INTS6: variants seen among roughly 807,000 people sequenced by gnomAD.
INTS6 encodes integrator complex subunit 6, also known as DEAD box protein.
In INTS6, 16 loss-of-function variants were observed where a neutral mutation model predicts 104.9. That is an observed-to-expected ratio of 0.15 (90% CI 0.10 to 0.23). The LOEUF is 0.23. INTS6 is among the 10% of genes least tolerant of loss of function. The probability of loss-of-function intolerance (pLI) is 1.00; values close to 1 mark genes in which losing one functional copy is unlikely to be tolerated. For synonymous variants in INTS6, 324 were observed against 358.7 expected, an observed-to-expected ratio of 0.90 and a Z score of 1.09; for missense variants, 584 against 1,062.8, an observed-to-expected ratio of 0.55 and a Z score of 6.26.
chr13:51,439,178 A>G (rs1952747712), intron 3 of INTS6: 1 of 152,236 alleles, frequency 6.6e-6, no homozygotes, highest in Non-Finnish European at 1.5e-5. Flanking sequence ...CAGAACTGTT[A>G]TCATGTCCCT....
At chr13:51,430,514 T>C in intron 3 of INTS6, 131 bp from the exon 4 acceptor site, 1 of 568,430 alleles carries the variant, frequency 1.8e-6, no homozygotes, top group African/African-American at 1.9e-5. Flanking sequence ...TGTACCTGTT[T>C]GTACATTTTA....
chr13:51,433,191 C>T (rs1957127703), intron 3 of INTS6, among the ~76,000 whole-genome samples: 1 of 152,150 alleles, frequency 6.6e-6, no homozygotes. Context: ...TGCCTGTAAT[C>T]CCAGCACTCT....
chr13:51,360,040 C>T (rs1046413621), downstream of INTS6, among the ~76,000 whole-genome samples: 1 of 152,098 alleles, frequency 6.6e-6, no homozygotes, highest in Admixed American at 6.6e-5. Context: ...GTGAATATAG[C>T]CAACTCCCAA....
At chr13:51,434,940 T>C (rs1273758113) in intron 3 of INTS6, among the ~76,000 whole-genome samples, 2 of 152,050 alleles carry the variant, frequency 1.3e-5, no homozygotes, top group African/African-American at 4.8e-5. Context: ...TTATTCACTA[T>C]CTGGTGTCAA....
chr13:51,395,282 T>C lies in INTS6; in HGVS notation c.613+18A>G, dbSNP rs1488056873. On this transcript the variant is annotated intron_variant, in intron 5 of 17. Coordinates refer to ENST00000311234, the MANE Select transcript of INTS6 (RefSeq NM_012141.3). ...AATCTGCTTTAAGTTACCAAATTACTGCCAGCAAAAAACTTACCGCCTGTC... is the reference window on the plus strand; with the variant it reads ...AATCTGCTTTAAGTTACCAAATTACCGCCAGCAAAAAACTTACCGCCTGTC... 6.3e-7 allele frequency: 1 copy of C among 1,579,558 alleles called. No homozygotes were observed.
At chr13:51,358,284 A>G (rs1327359195), downstream of INTS6, among the ~76,000 whole-genome samples, 1 of 152,302 alleles carries the variant, frequency 6.6e-6, no homozygotes, top group South Asian at 2.1e-4. Flanking sequence ...GCTACAGCAA[A>G]TAATTGTAAA....
intron 15 of INTS6, among the ~76,000 whole-genome samples, chr13:51,372,513 A>G (rs1043582019): frequency 9.9e-5 from 15 of 152,008 alleles, no homozygotes; most frequent in Non-Finnish European, 2.2e-4. Flanking sequence ...GTGAGATTTT[A>G]TTCAGTGCAA....
chr13:51,400,375 G>A (rs1240404327), intron 4 of INTS6, among the ~76,000 whole-genome samples: 1 of 152,098 alleles, frequency 6.6e-6, no homozygotes, highest in Admixed American at 6.5e-5. Flanking sequence ...CACAGTTAGT[G>A]CTTTTTGTTT....
intron 4 of INTS6, among the ~76,000 whole-genome samples, chr13:51,424,870 A>C (rs1217898312): frequency 6.6e-6 from 1 of 152,054 alleles, no homozygotes. Context: ...AATTCCTTAC[A>C]GATCTTTTCA....
the INTS6 span, among the ~76,000 whole-genome samples, chr13:51,347,830 A>G: frequency 4.6e-5 from 7 of 151,986 alleles, no homozygotes; most frequent in African/African-American, 9.7e-5. Context: ...CAGTCATCAG[A>G]TCGAGAAAAC....
At chr13:51,407,750 G>A (rs1354982165) in intron 4 of INTS6, among the ~76,000 whole-genome samples, 2 of 152,008 alleles carry the variant, frequency 1.3e-5, no homozygotes, top group Non-Finnish European at 2.9e-5. Flanking sequence ...GTTTCTGTAC[G>A]GTATGGCCAG....
At chr13:51,383,865 A>T in intron 7 of INTS6, 124 bp from the exon 8 acceptor site, 1 of 633,606 alleles carries the variant, frequency 1.6e-6, no homozygotes, top group Non-Finnish European at 2.6e-6. Context: ...TTACTGCTAA[A>T]AGCAACATTA....
chr13:51,404,401 G>C (rs898704067), intron 4 of INTS6, among the ~76,000 whole-genome samples: 1 of 151,756 alleles, frequency 6.6e-6, no homozygotes, highest in Non-Finnish European at 1.5e-5. Flanking sequence ...TTATCTCCAA[G>C]AGCTGGAAGT....
intron 4 of INTS6, among the ~76,000 whole-genome samples, chr13:51,413,271 T>G (rs917243602): frequency 2.0e-5 from 3 of 152,218 alleles, no homozygotes; most frequent in African/African-American, 7.2e-5. Context: ...CAGCCTCTGC[T>G]GGGTCCCTTA....
rs1274799292 is a variant in INTS6, at chr13:51,410,484, A to C, written c.430-15001T>G. On this transcript the variant is annotated intron_variant, in intron 4 of 17. Transcript: ENST00000311234. ...GAGGAAATGATAATCTCTCCAATAAAAATGCTGATACAATTAATTATCCAT... is the reference window on the plus strand; with the variant it reads ...GAGGAAATGATAATCTCTCCAATAACAATGCTGATACAATTAATTATCCAT... Among the ~76,000 whole-genome samples the C allele has an allele frequency of 2.0e-5, 3 of 152,224 alleles. No homozygotes were observed. In the East Asian group the frequency reaches 5.8e-4, roughly 29 times the overall value.
intron 3 of INTS6, chr13:51,438,568 C>G (rs1952736697): frequency 6.6e-6 from 1 of 152,134 alleles, no homozygotes; most frequent in African/African-American, 2.4e-5. Context: ...TCACTATAAT[C>G]TCATTTGTGA....
chr13:51,407,903 G>C (rs1373856746), intron 4 of INTS6, among the ~76,000 whole-genome samples: 1 of 151,460 alleles, frequency 6.6e-6, no homozygotes, highest in East Asian at 2.0e-4. Flanking sequence ...TGTAATCCCA[G>C]CTACTCGGGA....
chr13:51,341,421 G>A, the INTS6 span: 1 of 1,366,574 alleles, frequency 7.3e-7, no homozygotes, highest in Non-Finnish European at 1.0e-6. Context: ...TCACCCTCCT[G>A]CTCACACTCA....
At chr13:51,414,977 C>T (rs556842372) in intron 4 of INTS6, among the ~76,000 whole-genome samples, 5 of 151,946 alleles carry the variant, frequency 3.3e-5, no homozygotes, top group South Asian at 4.2e-4. Flanking sequence ...AAGAACAATT[C>T]GAAAGTCAAG....
Sources: allele counts gnomAD v4.1 joint callset (sites outside exome capture counted in the v4.1 genomes callset), GRCh38; gene constraint gnomAD v4.1.1; transcripts MANE v1.5; gene names NCBI Gene and HGNC (gene_info 2026-07-23, HGNC 2026-07-21).